PPIL1: variants seen among roughly 807,000 people sequenced by gnomAD.
PPIL1 encodes the protein peptidyl-prolyl cis-trans isomerase-like 1.
A neutral mutation model predicts 19.4 loss-of-function variants in PPIL1; 14 were observed. The ratio of observed to expected loss-of-function variants is 0.72; its 90% CI spans 0.48 to 1.13. The LOEUF (loss-of-function observed/expected upper bound fraction) is 1.13. Ranked by LOEUF, PPIL1 falls within the 50% of genes most tolerant of loss-of-function variation. The probability of loss-of-function intolerance (pLI) is 0.00; values close to 1 mark genes in which losing one functional copy is unlikely to be tolerated. For synonymous variants in PPIL1, 72 were observed against 73.6 expected, an observed-to-expected ratio of 0.98 and a Z score of 0.11; for missense variants, 192 against 218.0, an observed-to-expected ratio of 0.88 and a Z score of 0.75.
At chr6:36,859,654 G>A (rs930340161) in intron 2 of PPIL1, among the ~76,000 whole-genome samples, 1 of 152,134 alleles carries the variant, frequency 6.6e-6, no homozygotes, top group Admixed American at 6.5e-5. Context: ...ATAAGTGAGA[G>A]GTGGCAGAGG....
chr6:36,861,342 T>C (rs1319750587), intron 2 of PPIL1, among the ~76,000 whole-genome samples: 1 of 152,114 alleles, frequency 6.6e-6, no homozygotes, highest in African/African-American at 2.4e-5. Context: ...ATTTAGCTTG[T>C]CCCCTCTGTG....
chr6:36,865,160 T>C (rs1774369258), intron 2 of PPIL1, among the ~76,000 whole-genome samples: 1 of 152,138 alleles, frequency 6.6e-6, no homozygotes, highest in South Asian at 2.1e-4. Context: ...ATTTAGTAAG[T>C]ATTCATGTGA....
intron 2 of PPIL1, among the ~76,000 whole-genome samples, chr6:36,859,641 G>A (rs898927008): frequency 6.6e-5 from 10 of 152,096 alleles, no homozygotes; most frequent in Admixed American, 2.0e-4. Flanking sequence ...CTGGGCACGT[G>A]GAATAAGTGA....
intron 1 of PPIL1, among the ~76,000 whole-genome samples, chr6:36,873,112 C>T (rs1299621530): frequency 1.3e-5 from 2 of 152,216 alleles, no homozygotes; most frequent in Admixed American, 1.3e-4. Flanking sequence ...CCTCATGAAG[C>T]TTACATTCTG....
intron 2 of PPIL1, among the ~76,000 whole-genome samples, chr6:36,864,213 A>C (rs1451860938): frequency 6.6e-6 from 1 of 151,914 alleles, no homozygotes; most frequent in African/African-American, 2.4e-5. Context: ...TCCTTTTCAA[A>C]CAAGCCTAAT....
chr6:36,869,212 G>T (rs1037246040), intron 2 of PPIL1, among the ~76,000 whole-genome samples: 8 of 152,140 alleles, frequency 5.3e-5, no homozygotes, highest in African/African-American at 1.9e-4. Context: ...TTGAACTCCT[G>T]AACTCAAGTG....
In PPIL1 at chr6:36,856,579, CA is replaced by C; in HGVS notation, c.280+6del. On this transcript the variant is annotated splice_donor_region_variant and intron_variant, in intron 3 of 3. Transcript: ENST00000373699. ...TCCTACCCAGTCCAGCCAAATTATA[CA>C]CTTACCCGTGAATTTCAAGTCTGGA... 1 of 1,613,536 alleles carries C rather than the reference CA, an allele frequency of 6.2e-7. No homozygotes were observed. Among genetic ancestry groups the C allele is most frequent in the Non-Finnish European group, 8.5e-7 (1 of 1,179,444 alleles).
intron 2 of PPIL1, among the ~76,000 whole-genome samples, chr6:36,864,897 T>C (rs1245216411): frequency 6.6e-6 from 1 of 152,212 alleles, no homozygotes; most frequent in Non-Finnish European, 1.5e-5. Context: ...AGGGCTTTCT[T>C]ATTCACTGTT....
intron 2 of PPIL1, among the ~76,000 whole-genome samples, chr6:36,860,333 G>A (rs1426391518): frequency 2.0e-5 from 3 of 151,982 alleles, no homozygotes; most frequent in Admixed American, 6.6e-5. Flanking sequence ...GTGCGTGCCT[G>A]CAGTCCCAGC....
At chr6:36,871,659 A>G (rs1409055717) in intron 2 of PPIL1, 59 bp downstream of exon 2, 2 of 1,541,170 alleles carry the variant, frequency 1.3e-6, no homozygotes, top group Admixed American at 2.2e-5. Flanking sequence ...GGCTTTAGAA[A>G]AAAAGACGAA....
Position 36,856,037 on chromosome 6 carries a change from G to C in PPIL1, c.281-4C>G, listed in dbSNP as rs779823888. The C allele has an allele frequency of 6.2e-7, 1 of 1,613,390 alleles. No individual in the cohort carries two copies. The highest frequency in any genetic ancestry group is 8.5e-7 in the Non-Finnish European group (1 of 1,179,578). On this transcript the variant is annotated splice_region_variant and splice_polypyrimidine_tract_variant and intron_variant, in intron 3 of 3. Transcript: ENST00000373699. Reference sequence around the variant, plus strand: ...GCCATTGCGAGAATTCCAGCCCCTGGTGGGAAAAAGGAAGAAAGGAAAGAG... The same window carrying C: ...GCCATTGCGAGAATTCCAGCCCCTGCTGGGAAAAAGGAAGAAAGGAAAGAG...
chr6:36,869,353 G>A (rs1441106997), intron 2 of PPIL1, among the ~76,000 whole-genome samples: 1 of 152,140 alleles, frequency 6.6e-6, no homozygotes, highest in African/African-American at 2.4e-5. Context: ...AGGTCAAGTG[G>A]CCACATTTGG....
intron 2 of PPIL1, among the ~76,000 whole-genome samples, chr6:36,862,745 T>C (rs530693052): frequency 6.6e-6 from 1 of 152,350 alleles, no homozygotes; most frequent in South Asian, 2.1e-4. Context: ...TTCCAGACGT[T>C]CTGTTGTGTA....
At chr6:36,867,124 C>A (rs903052670) in intron 2 of PPIL1, among the ~76,000 whole-genome samples, 3 of 152,174 alleles carry the variant, frequency 2.0e-5, no homozygotes, top group African/African-American at 7.2e-5. Context: ...TTTCACAGGA[C>A]GAGCCAGGGG....
chr6:36,874,704 C>A lies in PPIL1; in HGVS notation c.56+13G>T. On this transcript the variant is annotated intron_variant, in intron 1 of 3. Transcript: ENST00000373699. The stretch of plus-strand genomic sequence containing the variant: ...GTCTCCTCTGCCAGCCCCAGACGCC[C>A]GAACCCCCTCACCTGGTCTCCAAGT... The A allele has an allele frequency of 2.5e-6, 4 of 1,613,798 alleles. No homozygotes were observed. Among genetic ancestry groups the A allele is most frequent in the Non-Finnish European group, 3.4e-6 (4 of 1,179,840 alleles).
At chr6:36,872,935 A>G (rs1561850074) in intron 1 of PPIL1, among the ~76,000 whole-genome samples, 1 of 152,214 alleles carries the variant, frequency 6.6e-6, no homozygotes, top group Admixed American at 6.5e-5. Context: ...TCAACTCTGT[A>G]TAGTCTGGAT....
In PPIL1 at chr6:36,855,881, C is replaced by T. The variant is rs374312320; in HGVS notation, c.433G>A (p.Val145Ile). Residue 145 changes from valine to isoleucine, a missense_variant, in exon 4 of 4, where the codon GTA becomes ATA. Coordinates refer to ENST00000373699, the MANE Select transcript of PPIL1 (RefSeq NM_016059.5). Reference protein sequence around the residue: ...GIGMVNRVGMVETNSQDRPVD... With the variant: ...GIGMVNRVGMIETNSQDRPVD... Reference sequence around the variant, plus strand: ...GGGCGGTCCTGGGAGTTTGTTTCTACCATTCCCACGCGATTCACCATTCCT... The same window carrying T: ...GGGCGGTCCTGGGAGTTTGTTTCTATCATTCCCACGCGATTCACCATTCCT... 14 of 1,614,130 alleles carry T rather than the reference C, an allele frequency of 8.7e-6. No homozygotes were observed. The highest frequency in any genetic ancestry group is 2.2e-5 in the South Asian group (2 of 91,076).
chr6:36,855,648 C>T lies in PPIL1; in HGVS notation c.*165G>A. The T allele has an allele frequency of 1.5e-6, 1 of 666,748 alleles. No homozygotes were observed. Among genetic ancestry groups the T allele is most frequent in the South Asian group, 1.9e-5 (1 of 52,860 alleles). The allele number at this position is 666,748 out of a possible 1,614,324, so 41.3% of individuals were successfully genotyped here. On this transcript the variant is annotated 3_prime_UTR_variant, in exon 4 of 4. Transcript: ENST00000373699. ...CACTGGGGGAAGAGAAAAGAAGCAT[C>T]CTATTAAAATGTACTTCCATCTCTA...
At chr6:36,859,845 T>TGTGTGTGTGTGTGTGTGTGTG (rs1424096492) in intron 2 of PPIL1, among the ~76,000 whole-genome samples, 1 of 102,088 alleles carries the variant, frequency 9.8e-6, no homozygotes, top group East Asian at 3.3e-4. Flanking sequence ...GTGTGTGTGT[T>TGTGTGTGTGTGTGTGTGTGTG]TTGAGACAGA....
Sources: gnomAD v4.1 joint callset for allele counts (sites outside exome capture counted in the v4.1 genomes callset) on GRCh38, gnomAD v4.1.1 for gene constraint, MANE v1.5 for transcripts, NCBI Gene and HGNC (gene_info 2026-07-23, HGNC 2026-07-21) for gene names.